Variants in ZSCAN5A observed in about 807,000 individuals in gnomAD.
ZSCAN5A encodes the protein zinc finger and SCAN domain containing 5A.
A neutral mutation model predicts 23.7 loss-of-function variants in ZSCAN5A; 12 were observed. The ratio of observed to expected loss-of-function variants is 0.51; its 90% CI spans 0.32 to 0.82. The LOEUF (loss-of-function observed/expected upper bound fraction) is 0.82, where lower values mean the gene tolerates loss of function less well. Among genes scored for constraint, ZSCAN5A ranks in the 40% least tolerant of loss-of-function variants. The pLI is 0.03. For synonymous variants in ZSCAN5A, 257 were observed against 239.9 expected (o/e 1.07, Z -0.66); for missense variants, 597 against 617.9 (o/e 0.97, Z 0.36).
At chr19:56,264,746 A>G (rs960129867) in intron 2 of ZSCAN5A, among the ~76,000 whole-genome samples, 10 of 152,236 alleles carry the variant, frequency 6.6e-5, no homozygotes, top group African/African-American at 2.4e-4. Flanking sequence ...GCTAACAAAG[A>G]CAAAAATAGT....
chr19:56,254,550 C>T (rs915111070), intron 2 of ZSCAN5A, among the ~76,000 whole-genome samples: 11 of 152,230 alleles, frequency 7.2e-5, no homozygotes, highest in African/African-American at 2.2e-4. Flanking sequence ...TTGTGAATAA[C>T]GTTGCAATGA....
At chr19:56,324,548 T>TA (rs1490053637) in intron 2 of ZSCAN5A, among the ~76,000 whole-genome samples, 15 of 150,206 alleles carry the variant, frequency 1.0e-4, no homozygotes, top group Admixed American at 6.7e-5. Flanking sequence ...GAAAGTAAAT[T>TA]AGTACAGCCA....
At chr19:56,228,341 C>T (rs971108870) in intron 2 of ZSCAN5A, 4 of 985,006 alleles carry the variant, frequency 4.1e-6, no homozygotes, top group Non-Finnish European at 4.8e-6. Flanking sequence ...TATGGAGAAG[C>T]GGGACTCCAG....
intron 2 of ZSCAN5A, among the ~76,000 whole-genome samples, chr19:56,327,547 G>T (rs1005813708): frequency 6.0e-5 from 9 of 150,406 alleles, no homozygotes; most frequent in African/African-American, 2.2e-4. Context: ...ATATAAATAT[G>T]CACATTATAT....
chr19:56,272,884 T>C, intron 2 of ZSCAN5A: 17 of 985,452 alleles, frequency 1.7e-5, no homozygotes, highest in Non-Finnish European at 2.0e-5. Context: ...ATTCTGCTTT[T>C]CCTGGGATTG....
At chr19:56,235,728 T>C (rs373569445) in intron 2 of ZSCAN5A, among the ~76,000 whole-genome samples, 59 of 5,568 alleles carry the variant, frequency 0.011, 7 homozygotes, top group African/African-American at 0.012. Flanking sequence ...CTCTGATGGA[T>C]GGTGGGCCAA....
At chr19:56,347,500 A>AG (rs1325761338) in intron 2 of ZSCAN5A, 1 of 152,174 alleles carries the variant, frequency 6.6e-6, no homozygotes, top group African/African-American at 2.4e-5. Flanking sequence ...GGGGTGAGTA[A>AG]GGGGCTGTAA....
At chr19:56,315,344 G>C (rs1471475752), upstream of ZSCAN5A, 1 of 152,388 alleles carries the variant, frequency 6.6e-6, no homozygotes, top group Non-Finnish European at 1.5e-5. Flanking sequence ...GGTCACCCGG[G>C]CGGTGTCGCA....
chr19:56,359,396 A>C (rs1335197203), intron 2 of ZSCAN5A, among the ~76,000 whole-genome samples: 1 of 152,208 alleles, frequency 6.6e-6, no homozygotes, highest in Non-Finnish European at 1.5e-5. Flanking sequence ...TGAATCCCTG[A>C]ATAGACCAAT....
At chr19:56,276,446 A>G (rs2038259274) in intron 2 of ZSCAN5A, among the ~76,000 whole-genome samples, 1 of 152,050 alleles carries the variant, frequency 6.6e-6, no homozygotes. Flanking sequence ...GTGGTTTGCA[A>G]ACTTCATGGT....
In ZSCAN5A at chr19:56,352,057, T is replaced by C. The variant is rs1487154588; in HGVS notation, c.-358+11178A>G. On this transcript the variant is annotated intron_variant, in intron 2 of 6. Transcript: ENST00000587340. The surrounding 1 kb of genome is among the most constrained non-coding windows in gnomAD (Gnocchi z 4.2). ...CTGATGGAGTGCCTTCTTTATGCCC[T>C]GCGCTTGGGTATGCTTTGGTGGATA... Among the ~76,000 whole-genome samples the C allele has an allele frequency of 1.3e-5, 2 of 152,174 alleles. No individual in the cohort carries two copies. The highest frequency in any genetic ancestry group is 4.8e-5 in the African/African-American group (2 of 41,432).
intron 2 of ZSCAN5A, among the ~76,000 whole-genome samples, chr19:56,360,715 A>T (rs1352209979): frequency 1.3e-5 from 2 of 152,130 alleles, no homozygotes; most frequent in Non-Finnish European, 1.5e-5. Context: ...GTAAAAAAAA[A>T]ATAAAAACTA....
rs544866397 is a variant in ZSCAN5A at position 56,221,382 on chromosome 19, T to A, written c.*193A>T. 5.3e-6 allele frequency: 3 copies of A among 565,096 alleles called. No individual in the cohort carries two copies. Among genetic ancestry groups the A allele is most frequent in the Non-Finnish European group, 8.9e-6 (3 of 338,644 alleles). The allele number at this position is 565,096 out of a possible 1,614,324, so 35.0% of individuals were successfully genotyped here. On this transcript the variant is annotated 3_prime_UTR_variant, in exon 6 of 6. Transcript: ENST00000683990. ...CCAAAATAAACCTATAAGAAAACAA[T>A]GGACATAATGAAACAGAAAACAAAG...
intron 2 of ZSCAN5A, among the ~76,000 whole-genome samples, chr19:56,260,609 T>G (rs147002860): frequency 0.011 from 1,685 of 152,174 alleles, 39 homozygotes; most frequent in Admixed American, 0.056. Flanking sequence ...AAAATATCAG[T>G]AGGACAAAAA....
chr19:56,329,783 G>A (rs190286684), intron 2 of ZSCAN5A, among the ~76,000 whole-genome samples: 2 of 151,992 alleles, frequency 1.3e-5, no homozygotes, highest in East Asian at 3.9e-4. Flanking sequence ...TTGTAATCTG[G>A]GTAGTTTATT....
chr19:56,232,009 A>C (rs1436099637), intron 2 of ZSCAN5A, among the ~76,000 whole-genome samples: 3 of 9,874 alleles, frequency 3.0e-4, no homozygotes, highest in African/African-American at 3.8e-4. Flanking sequence ...TTTTTTTGAG[A>C]CAGTGTCTTG....
In ZSCAN5A at chr19:56,223,804, T is replaced by C; in HGVS notation, c.415A>G (p.Ile139Val). 2 of 1,613,324 alleles carry C rather than the reference T, an allele frequency of 1.2e-6. No individual in the cohort carries two copies. Among genetic ancestry groups the C allele is most frequent in the Non-Finnish European group, 1.7e-6 (2 of 1,179,976 alleles). The stretch of plus-strand genomic sequence containing the variant: ...ATCTCGATATCTGAGTCCTGCACAA[T>C]ATATTCCTTTCCGTGGAAGGTGACC... ...SVVTFHGKEYIVQDSDIEMAE... is the reference protein window; with the variant it reads ...SVVTFHGKEYVVQDSDIEMAE... The change falls in exon 4 of 6, where the codon ATT (isoleucine) becomes GTT (valine). Residue 139 changes from isoleucine to valine, a missense_variant. By Grantham distance (29) the Ile-to-Val change is conservative. This residue lies in a region of ZSCAN5A where 406 missense variants were observed against 353.2 expected (regional missense o/e 1.15). Transcript: ENST00000683990.
At chr19:56,233,390 G>A (rs1312354425) in intron 2 of ZSCAN5A, among the ~76,000 whole-genome samples, 2 of 152,192 alleles carry the variant, frequency 1.3e-5, no homozygotes, top group East Asian at 1.9e-4. Flanking sequence ...GCTCGTTATC[G>A]TGTTGAGAAT....
At chr19:56,231,885 GCTCTTC>G (rs1270175651) in intron 2 of ZSCAN5A, among the ~76,000 whole-genome samples, 7 of 151,830 alleles carry the variant, frequency 4.6e-5, no homozygotes, top group African/African-American at 1.7e-4. Flanking sequence ...GCTTCCCCAG[GCTCTTC>G]ATCATCTGTC....
Sources: allele counts gnomAD v4.1 joint callset (sites outside exome capture counted in the v4.1 genomes callset), GRCh38; gene constraint gnomAD v4.1.1; regional missense constraint gnomAD v4.1.1; non-coding constraint Gnocchi (gnomAD v3.1); transcripts MANE v1.5; gene names NCBI Gene and HGNC (gene_info 2026-07-23, HGNC 2026-07-21).